The following ARB2A variants were observed in gnomAD, a reference collection of about 807,000 sequenced individuals.
ARB2A encodes the protein cotranscriptional regulator ARB2A.
the ARB2A span, among the ~76,000 whole-genome samples, chr5:93,712,454 T>G: frequency 6.6e-6 from 1 of 152,054 alleles, no homozygotes; most frequent in African/African-American, 2.4e-5. Context: ...TTGCAGCCAG[T>G]ACAGTAAGGC....
the ARB2A span, among the ~76,000 whole-genome samples, chr5:93,885,300 T>C: frequency 1.3e-5 from 2 of 151,594 alleles, no homozygotes; most frequent in Non-Finnish European, 3.0e-5. Flanking sequence ...GGGTTGCTAC[T>C]CTACTAAGGA....
At chr5:93,635,943 A>C in the ARB2A span, among the ~76,000 whole-genome samples, 7 of 152,196 alleles carry the variant, frequency 4.6e-5, no homozygotes, top group Non-Finnish European at 7.3e-5. Context: ...ATTAACCATA[A>C]AATTTATGCT....
At chr5:93,741,264 G>A in the ARB2A span, 1 of 1,613,904 alleles carries the variant, frequency 6.2e-7, no homozygotes, top group Non-Finnish European at 8.5e-7. Context: ...AGGGCCCCGG[G>A]AGGGCGCCTT....
At chr5:93,745,476 A>G in the ARB2A span, among the ~76,000 whole-genome samples, 1 of 152,166 alleles carries the variant, frequency 6.6e-6, no homozygotes, top group Non-Finnish European at 1.5e-5. Flanking sequence ...TAAGTCCATG[A>G]AAACATCTGG....
chr5:93,840,538 A>C, the ARB2A span, among the ~76,000 whole-genome samples: 2 of 152,106 alleles, frequency 1.3e-5, no homozygotes, highest in African/African-American at 2.4e-5. Flanking sequence ...GTCACCCTTG[A>C]CATCTTCCTC....
the ARB2A span, among the ~76,000 whole-genome samples, chr5:94,087,216 A>G: frequency 2.0e-5 from 3 of 152,152 alleles, no homozygotes; most frequent in South Asian, 4.1e-4. Flanking sequence ...CAGCTGAACA[A>G]TATGTGTTTT....
the ARB2A span, among the ~76,000 whole-genome samples, chr5:94,051,569 G>T: frequency 6.6e-6 from 1 of 152,184 alleles, no homozygotes; most frequent in Non-Finnish European, 1.5e-5. Context: ...TTTCCCCCAG[G>T]TCCTTTCCTC....
At chr5:93,696,279 T>G in the ARB2A span, among the ~76,000 whole-genome samples, 6 of 152,226 alleles carry the variant, frequency 3.9e-5, no homozygotes, top group Admixed American at 3.9e-4. Flanking sequence ...ACATCAGTGA[T>G]GCATCTGTCA....
chr5:94,035,314 A>T, the ARB2A span, among the ~76,000 whole-genome samples: 1 of 151,936 alleles, frequency 6.6e-6, no homozygotes, highest in African/African-American at 2.4e-5. Flanking sequence ...TTTGGTGAGT[A>T]AATCTAGGAA....
At chr5:93,848,148 G>C in the ARB2A span, among the ~76,000 whole-genome samples, 2 of 152,124 alleles carry the variant, frequency 1.3e-5, no homozygotes, top group African/African-American at 4.8e-5. Flanking sequence ...ACTGTGGGAG[G>C]CCAAGGCAGG....
the ARB2A span, among the ~76,000 whole-genome samples, chr5:94,107,760 C>T: frequency 6.6e-6 from 1 of 152,122 alleles, no homozygotes; most frequent in African/African-American, 2.4e-5. Context: ...GTATACAGTG[C>T]ACACCTTCCA....
the ARB2A span, among the ~76,000 whole-genome samples, chr5:93,842,963 C>T: frequency 6.6e-6 from 1 of 152,110 alleles, no homozygotes; most frequent in Non-Finnish European, 1.5e-5. Flanking sequence ...CACCACCATC[C>T]CCCAAACCCC....
chr5:93,710,810 C>G, the ARB2A span, among the ~76,000 whole-genome samples: 1 of 152,090 alleles, frequency 6.6e-6, no homozygotes, highest in East Asian at 1.9e-4. Context: ...GATCTGCAAA[C>G]ATTTTAGTTA....
chr5:93,915,245 T>C, the ARB2A span, among the ~76,000 whole-genome samples: 1 of 151,916 alleles, frequency 6.6e-6, no homozygotes, highest in African/African-American at 2.4e-5. Context: ...AATTGGGCTC[T>C]TCATTGGCTT....
At chr5:93,674,501 G>A in the ARB2A span, among the ~76,000 whole-genome samples, 1 of 152,096 alleles carries the variant, frequency 6.6e-6, no homozygotes, top group Admixed American at 6.5e-5. Flanking sequence ...CGACTCAAGA[G>A]GTATATTGAA....
At chr5:93,633,893 C>T in the ARB2A span, among the ~76,000 whole-genome samples, 1 of 151,990 alleles carries the variant, frequency 6.6e-6, no homozygotes, top group African/African-American at 2.4e-5. Flanking sequence ...GCAGCCTCTG[C>T]CTCCAAGGCT....
At chr5:93,789,386 T>TA in the ARB2A span, among the ~76,000 whole-genome samples, 2 of 152,038 alleles carry the variant, frequency 1.3e-5, no homozygotes, top group South Asian at 2.1e-4. Context: ...GAGATGCCTT[T>TA]AAAAAAAATA....
At chr5:93,779,090 A>AGTGTGTGTGTGTGTGTGTGTGT in the ARB2A span, among the ~76,000 whole-genome samples, 3 of 143,342 alleles carry the variant, frequency 2.1e-5, no homozygotes, top group Admixed American at 6.9e-5. Flanking sequence ...GTCATTTCAG[A>AGTGTGTGTGTGTGTGTGTGTGT]GTGTGTGTGT....
At chr5:93,891,656 A>G in the ARB2A span, among the ~76,000 whole-genome samples, 3 of 152,174 alleles carry the variant, frequency 2.0e-5, no homozygotes, top group Non-Finnish European at 4.4e-5. Flanking sequence ...ACTACCAAGC[A>G]GAAAAGAAAC....
Sources: gnomAD v4.1 joint callset for allele counts (sites outside exome capture counted in the v4.1 genomes callset) on GRCh38, gnomAD v4.1.1 for gene constraint, MANE v1.5 for transcripts, NCBI Gene and HGNC (gene_info 2026-07-23, HGNC 2026-07-21) for gene names.